Variants in AK5 observed in about 807,000 individuals in gnomAD.
AK5 encodes adenylate kinase isoenzyme 5.
Under a neutral mutation model 69.5 loss-of-function variants are expected in AK5, and 27 were observed. The ratio of observed to expected loss-of-function variants is 0.39; its 90% CI spans 0.29 to 0.54. The LOEUF is 0.54. Among genes scored for constraint, AK5 ranks in the 20% least tolerant of loss-of-function variants. The pLI, the probability that AK5 is intolerant of heterozygous loss-of-function variation, is 0.71. For synonymous variants in AK5, 260 were observed against 244.4 expected (o/e 1.06, Z -0.60); for missense variants, 531 against 700.4 (o/e 0.76, Z 2.73).
At chr1:77,403,570 T>G (rs1032055099) in intron 6 of AK5, among the ~76,000 whole-genome samples, 3 of 152,246 alleles carry the variant, frequency 2.0e-5, no homozygotes, top group Admixed American at 1.3e-4. Flanking sequence ...TCCCCATTGC[T>G]TGTTTTTCTC....
At chr1:77,372,783 G>T (rs1263796564) in intron 6 of AK5, among the ~76,000 whole-genome samples, 1 of 151,982 alleles carries the variant, frequency 6.6e-6, no homozygotes, top group Non-Finnish European at 1.5e-5. Flanking sequence ...GTGTGTGTGT[G>T]TGTGTGTGTA....
intron 5 of AK5, among the ~76,000 whole-genome samples, chr1:77,329,934 A>T (rs1660998070): frequency 6.6e-6 from 1 of 152,236 alleles, no homozygotes; most frequent in African/African-American, 2.4e-5. Context: ...CTGAGAATTA[A>T]GTCAGGCAGA....
intron 8 of AK5, among the ~76,000 whole-genome samples, chr1:77,436,391 G>T (rs1454618581): frequency 6.6e-6 from 1 of 151,700 alleles, no homozygotes; most frequent in African/African-American, 2.4e-5. Flanking sequence ...TAATGAAAGT[G>T]TAGGAAGCAA....
At chr1:77,444,841 T>C (rs180680625) in intron 8 of AK5, among the ~76,000 whole-genome samples, 2 of 151,418 alleles carry the variant, frequency 1.3e-5, no homozygotes, top group African/African-American at 4.8e-5. Context: ...CCTCCCAAAG[T>C]GCTGGGATTA....
At chr1:77,390,364 A>G (rs1043333652) in intron 6 of AK5, among the ~76,000 whole-genome samples, 1 of 152,250 alleles carries the variant, frequency 6.6e-6, no homozygotes, top group Non-Finnish European at 1.5e-5. Context: ...ACTAGAGCAC[A>G]TATTTCACTA....
chr1:77,405,909 C>T (rs556484524), intron 6 of AK5, among the ~76,000 whole-genome samples: 1 of 151,316 alleles, frequency 6.6e-6, no homozygotes, highest in South Asian at 2.1e-4. Flanking sequence ...TCCCCTTTTC[C>T]ACTTCACGCT....
At chr1:77,532,247 G>T (rs1658684576) in intron 12 of AK5, 1 of 155,208 alleles carries the variant, frequency 6.4e-6, no homozygotes. Flanking sequence ...CGCTGACATC[G>T]AGCGGGGGCT....
intron 13 of AK5, among the ~76,000 whole-genome samples, chr1:77,545,933 T>C (rs1408470914): frequency 6.6e-6 from 1 of 152,146 alleles, no homozygotes; most frequent in African/African-American, 2.4e-5. Context: ...ACTTGACAAA[T>C]GAAGCATAAG....
chr1:77,368,230 T>TC (rs1212930449), intron 6 of AK5, among the ~76,000 whole-genome samples: 1 of 26,486 alleles, frequency 3.8e-5, no homozygotes, highest in Non-Finnish European at 7.5e-5. Context: ...TATATATATA[T>TC]ATATATATAT....
intron 9 of AK5, among the ~76,000 whole-genome samples, chr1:77,485,561 C>T (rs1655535460): frequency 6.6e-6 from 1 of 152,136 alleles, no homozygotes. Flanking sequence ...TGTAAAATAA[C>T]ATTATTTGCT....
chr1:77,507,051 A>T (rs1444175912), intron 10 of AK5, among the ~76,000 whole-genome samples: 1 of 152,188 alleles, frequency 6.6e-6, no homozygotes, highest in South Asian at 2.1e-4. Context: ...AGGTTGCCAG[A>T]TTTAACAAAT....
intron 8 of AK5, among the ~76,000 whole-genome samples, chr1:77,431,165 A>G (rs1034788296): frequency 2.6e-5 from 4 of 152,210 alleles, no homozygotes; most frequent in Non-Finnish European, 5.9e-5. Flanking sequence ...TCAGGGTTTC[A>G]AGAGAGTAGA....
intron 10 of AK5, among the ~76,000 whole-genome samples, chr1:77,489,744 CCT>C (rs1258866561): frequency 3.3e-5 from 5 of 152,164 alleles, no homozygotes; most frequent in Non-Finnish European, 7.3e-5. Context: ...GCATTCTTCC[CCT>C]GTTTTAACAT....
Position 77,439,388 on chromosome 1 carries a change from A to T in AK5, c.1059+21673A>T, listed in dbSNP as rs990716151. 2.6e-5 allele frequency among the ~76,000 whole-genome samples: 4 copies of T among 152,274 alleles called. No homozygotes were observed. In the South Asian group the frequency reaches 8.3e-4, roughly 32 times the overall value. On this transcript the variant is annotated intron_variant, in intron 8 of 13. Coordinates refer to ENST00000354567, the MANE Select transcript of AK5 (RefSeq NM_174858.3). ...AATTAGGATATCTATCACCTCAAAC[A>T]TTTATCATTTCTTTACATTGGGAAC...
chr1:77,380,458 A>G (rs11808966), intron 6 of AK5, among the ~76,000 whole-genome samples: 24,283 of 152,102 alleles, frequency 0.16, 2,167 homozygotes, highest in Middle Eastern at 0.28. Context: ...CATTCCCCAC[A>G]TTTCATCTGG....
chr1:77,505,732 AAC>A (rs533406991), intron 10 of AK5, among the ~76,000 whole-genome samples: 4,529 of 151,608 alleles, frequency 0.03, 63 homozygotes, highest in Middle Eastern at 0.078. Flanking sequence ...AAAAAAAAAA[AAC>A]AAAAATTAGC....
chr1:77,490,780 T>G (rs1463868977), intron 10 of AK5, among the ~76,000 whole-genome samples: 1 of 151,324 alleles, frequency 6.6e-6, no homozygotes, highest in Admixed American at 6.6e-5. Context: ...CTTTCCTTTT[T>G]TCTTTTTTTT....
intron 13 of AK5, among the ~76,000 whole-genome samples, chr1:77,546,730 A>G (rs986122921): frequency 6.6e-6 from 1 of 152,208 alleles, no homozygotes; most frequent in Non-Finnish European, 1.5e-5. Context: ...AAAACAAAAA[A>G]GACTTGTGAA....
intron 6 of AK5, among the ~76,000 whole-genome samples, chr1:77,352,160 C>G (rs1207802371): frequency 2.6e-5 from 4 of 151,910 alleles, no homozygotes. Context: ...GAACTCCTGA[C>G]CTTGTGATCC....
Sources: allele counts gnomAD v4.1 joint callset (sites outside exome capture counted in the v4.1 genomes callset), GRCh38; gene constraint gnomAD v4.1.1; transcripts MANE v1.5; gene names NCBI Gene and HGNC (gene_info 2026-07-23, HGNC 2026-07-21).